The following ATP8A2 variants were observed in gnomAD, a reference collection of about 807,000 sequenced individuals.
ATP8A2 encodes the protein ATPase phospholipid transporting 8A2, also known as phospholipid-transporting ATPase IB.
Under a neutral mutation model 165.6 loss-of-function variants are expected in ATP8A2, and 100 were observed. The observed-to-expected ratio is 0.60, with a 90% CI of 0.51 to 0.71. The LOEUF (loss-of-function observed/expected upper bound fraction) is 0.71, where lower values mean the gene tolerates loss of function less well. Among genes scored for constraint, ATP8A2 ranks in the 30% least tolerant of loss-of-function variants. ATP8A2 has a pLI of 0.00. For missense variants in ATP8A2, 1,227 were observed against 1,479.5 expected (o/e 0.83, Z 2.80); for synonymous variants, 543 against 548.8 (o/e 0.99, Z 0.15).
intron 27 of ATP8A2, among the ~76,000 whole-genome samples, chr13:25,781,488 T>A (rs1431125906): frequency 3.3e-5 from 5 of 151,118 alleles, no homozygotes; most frequent in Non-Finnish European, 7.4e-5. Flanking sequence ...TTTTTCAAAC[T>A]TTTTTTTGTT....
At chr13:26,017,248 C>T (rs2139373268) in intron 36 of ATP8A2, among the ~76,000 whole-genome samples, 1 of 152,270 alleles carries the variant, frequency 6.6e-6, no homozygotes, top group South Asian at 2.1e-4. Flanking sequence ...CAGTGACGAC[C>T]CTGCCATTGC....
chr13:25,954,859 G>C (rs1955481572), intron 33 of ATP8A2, among the ~76,000 whole-genome samples: 2 of 152,144 alleles, frequency 1.3e-5, no homozygotes, highest in South Asian at 4.1e-4. Context: ...CAACATCAAA[G>C]ACCAAAGGTA....
At chr13:25,733,814 A>G (rs1175568051) in intron 25 of ATP8A2, among the ~76,000 whole-genome samples, 1 of 151,976 alleles carries the variant, frequency 6.6e-6, no homozygotes, top group Non-Finnish European at 1.5e-5. Flanking sequence ...AACTGCTCAG[A>G]TCCTCTGAAA....
chr13:25,390,513 C>T (rs1158849928), intron 1 of ATP8A2, among the ~76,000 whole-genome samples: 1 of 152,172 alleles, frequency 6.6e-6, no homozygotes, highest in Non-Finnish European at 1.5e-5. Flanking sequence ...CCTCTCCCAG[C>T]CCCTATTTAC....
intron 33 of ATP8A2, 22 bp downstream of exon 33, chr13:25,862,430 T>G (rs963889606): frequency 1.3e-6 from 2 of 1,542,102 alleles, no homozygotes; most frequent in South Asian, 2.2e-5. Flanking sequence ...TGATTGGGAG[T>G]GTGTCTTCTG....
chr13:25,671,218 A>C (rs1348327395), intron 24 of ATP8A2, among the ~76,000 whole-genome samples: 3 of 152,112 alleles, frequency 2.0e-5, no homozygotes, highest in African/African-American at 7.2e-5. Flanking sequence ...GTGATTTCCT[A>C]TGCCTGTCTT....
At chr13:25,833,252 T>A (rs1374645876) in intron 28 of ATP8A2, among the ~76,000 whole-genome samples, 1 of 152,060 alleles carries the variant, frequency 6.6e-6, no homozygotes, top group Non-Finnish European at 1.5e-5. Context: ...CTTAGTATCA[T>A]AAAAGATTCA....
chr13:25,615,710 C>T (rs2040805946), intron 24 of ATP8A2, among the ~76,000 whole-genome samples: 1 of 152,168 alleles, frequency 6.6e-6, no homozygotes, highest in Admixed American at 6.5e-5. Context: ...CTGAGAGATC[C>T]CACAGGACTC....
chr13:25,713,285 T>A (rs912190023), intron 25 of ATP8A2, among the ~76,000 whole-genome samples: 15 of 152,212 alleles, frequency 9.9e-5, no homozygotes, highest in African/African-American at 3.4e-4. Context: ...TCCCACTACG[T>A]CTGTTTTTTT....
intron 33 of ATP8A2, among the ~76,000 whole-genome samples, chr13:25,902,554 A>T (rs570815045): frequency 1.0e-3 from 156 of 149,990 alleles, no homozygotes; most frequent in South Asian, 2.1e-3. Flanking sequence ...TTCACATTAT[A>T]GCAACAACAT....
chr13:25,768,079 G>A (rs938690778), intron 25 of ATP8A2, among the ~76,000 whole-genome samples: 2 of 139,702 alleles, frequency 1.4e-5, no homozygotes, highest in African/African-American at 2.6e-5. Flanking sequence ...GGTGGCGTGG[G>A]GGGGGGGTGG....
At chr13:25,742,139 T>C (rs2043927494) in intron 25 of ATP8A2, among the ~76,000 whole-genome samples, 1 of 152,210 alleles carries the variant, frequency 6.6e-6, no homozygotes, top group African/African-American at 2.4e-5. Context: ...CTGTTGCTCC[T>C]AGGCTACAAA....
At chr13:25,444,331 T>C (rs926888137) in intron 1 of ATP8A2, among the ~76,000 whole-genome samples, 5 of 152,214 alleles carry the variant, frequency 3.3e-5, no homozygotes, top group Admixed American at 1.3e-4. Context: ...CCTTTTTTTT[T>C]CTGCTAATGT....
chr13:25,824,268 T>TG (rs1951254356), intron 27 of ATP8A2, among the ~76,000 whole-genome samples: 1 of 152,160 alleles, frequency 6.6e-6, no homozygotes, highest in South Asian at 2.1e-4. Context: ...CACTGAACCC[T>TG]GCTAGCAGTG....
chr13:25,715,626 G>T (rs1181346169), intron 25 of ATP8A2, among the ~76,000 whole-genome samples: 1 of 152,182 alleles, frequency 6.6e-6, no homozygotes, highest in African/African-American at 2.4e-5. Flanking sequence ...GGTCATTCAT[G>T]TCGTAGCATT....
chr13:25,464,222 T>C lies in ATP8A2; in HGVS notation c.77-4755T>C, dbSNP rs560415503. ...TGGGCACCTGGTGGTGATCTACAGG[T>C]GAATAGGAATTTGTCCCTCCTCTTT... is the stretch of plus-strand genomic sequence containing the variant. On this transcript the variant is annotated intron_variant, in intron 1 of 36. Transcript: ENST00000381655. Among the ~76,000 whole-genome samples, 13 of 152,220 alleles carry C rather than the reference T, an allele frequency of 8.5e-5. No individual in the cohort carries two copies. The South Asian group carries it at 2.3e-3, about 27-fold the overall frequency.
At chr13:25,471,810 G>GT (rs2035853366) in intron 2 of ATP8A2, among the ~76,000 whole-genome samples, 1 of 152,330 alleles carries the variant, frequency 6.6e-6, no homozygotes, top group South Asian at 2.1e-4. Flanking sequence ...GAGTAAGTTG[G>GT]GGATGTACAG....
intron 1 of ATP8A2, among the ~76,000 whole-genome samples, chr13:25,454,878 C>T (rs1029253669): frequency 3.3e-5 from 5 of 152,178 alleles, no homozygotes; most frequent in African/African-American, 9.7e-5. Flanking sequence ...GCCGAGATCA[C>T]GCCACTGTAC....
At chr13:25,488,461 C>CTGGGCA (rs1383037990) in intron 2 of ATP8A2, among the ~76,000 whole-genome samples, 4 of 152,194 alleles carry the variant, frequency 2.6e-5, no homozygotes, top group Non-Finnish European at 5.9e-5. Context: ...GGAGTCTTGC[C>CTGGGCA]TGGGCATGGT....
Sources: allele counts gnomAD v4.1 joint callset (sites outside exome capture counted in the v4.1 genomes callset), GRCh38; gene constraint gnomAD v4.1.1; transcripts MANE v1.5; gene names NCBI Gene and HGNC (gene_info 2026-07-23, HGNC 2026-07-21).